The following CNTNAP2 variants were observed in gnomAD, a reference collection of about 807,000 sequenced individuals.
CNTNAP2 encodes contactin associated protein 2, also known as contactin-associated protein-like 2.
In CNTNAP2, 98 loss-of-function variants were observed where a neutral mutation model predicts 155.2. The ratio of observed to expected loss-of-function variants is 0.63; its 90% CI spans 0.54 to 0.75. The LOEUF is 0.75. Ranked by LOEUF, CNTNAP2 falls within the 30% of genes least tolerant of loss-of-function variation. The pLI is 0.00. For missense variants in CNTNAP2, 1,727 were observed against 1,688.1 expected, an observed-to-expected ratio of 1.02 and a Z score of -0.40; for synonymous variants, 651 against 631.2, an observed-to-expected ratio of 1.03 and a Z score of -0.47.
intron 12 of CNTNAP2, among the ~76,000 whole-genome samples, chr7:147,612,199 T>G (rs536576636): frequency 2.6e-5 from 4 of 152,270 alleles, no homozygotes; most frequent in African/African-American, 9.6e-5. Flanking sequence ...AATTATTTTG[T>G]AAGTTATTCA....
intron 1 of CNTNAP2, among the ~76,000 whole-genome samples, chr7:146,163,585 C>CTATATATATA (rs772109958): frequency 1.1e-5 from 1 of 91,224 alleles, no homozygotes; most frequent in African/African-American, 4.0e-5. Context: ...ATCTATCTAT[C>CTATATATATA]TATATATATA....
chr7:147,443,569 T>G (rs1282520973), intron 10 of CNTNAP2, among the ~76,000 whole-genome samples: 1 of 152,190 alleles, frequency 6.6e-6, no homozygotes, highest in African/African-American at 2.4e-5. Flanking sequence ...CTGTAGATAG[T>G]TGTTAAATCG....
At chr7:147,863,660 T>C (rs1374513956) in intron 13 of CNTNAP2, among the ~76,000 whole-genome samples, 1 of 152,216 alleles carries the variant, frequency 6.6e-6, no homozygotes, top group Admixed American at 6.5e-5. Context: ...TAGTTTTGAT[T>C]TGCATTTCTC....
chr7:147,730,154 G>A lies in CNTNAP2; in HGVS notation c.2098+90848G>A, dbSNP rs555189873. On this transcript the variant is annotated intron_variant, in intron 13 of 23. Coordinates refer to ENST00000361727, the MANE Select transcript of CNTNAP2 (RefSeq NM_014141.6). ...ATCTGTCCACAGAAGATCTTTTGAG[G>A]TAAAGGATTTCCAAAGAAGTGGGCT... Among the ~76,000 whole-genome samples, 4 of 152,174 alleles carry A rather than the reference G, an allele frequency of 2.6e-5. No homozygotes were observed. The South Asian group carries it at 8.3e-4, about 32-fold the overall frequency.
At chr7:147,734,998 G>A (rs1294229590) in intron 13 of CNTNAP2, among the ~76,000 whole-genome samples, 2 of 148,068 alleles carry the variant, frequency 1.4e-5, no homozygotes, top group African/African-American at 2.5e-5. Flanking sequence ...TTTTTTTGAA[G>A]GGTTTTTTGT....
At chr7:147,644,335 A>G (rs1795330880) in intron 13 of CNTNAP2, among the ~76,000 whole-genome samples, 1 of 152,138 alleles carries the variant, frequency 6.6e-6, no homozygotes, top group African/African-American at 2.4e-5. Flanking sequence ...AAGAACTTGA[A>G]TTTGGCCGGG....
chr7:147,386,444 A>G (rs1796627198), intron 9 of CNTNAP2, among the ~76,000 whole-genome samples: 1 of 152,092 alleles, frequency 6.6e-6, no homozygotes. Context: ...CACCCCTCAA[A>G]TGCTTTTCTG....
intron 17 of CNTNAP2, among the ~76,000 whole-genome samples, chr7:148,153,020 CAA>C (rs373499312): frequency 4.4e-5 from 1 of 22,664 alleles, no homozygotes; most frequent in Non-Finnish European, 7.7e-5. Context: ...GACTCCGTCT[CAA>C]AAAAAAAAAA....
intron 3 of CNTNAP2, among the ~76,000 whole-genome samples, chr7:147,022,093 C>T (rs147367360): frequency 5.6e-4 from 85 of 152,088 alleles, no homozygotes; most frequent in Middle Eastern, 3.4e-3. Flanking sequence ...CTAGACCTTC[C>T]GGAGTTTTGC....
At chr7:146,549,218 A>C (rs539648028) in intron 1 of CNTNAP2, among the ~76,000 whole-genome samples, 3 of 152,070 alleles carry the variant, frequency 2.0e-5, no homozygotes, top group Admixed American at 1.3e-4. Flanking sequence ...GAACAGTTTA[A>C]ATTACTAAAT....
At chr7:148,021,967 G>A (rs1802286516) in intron 15 of CNTNAP2, among the ~76,000 whole-genome samples, 2 of 152,146 alleles carry the variant, frequency 1.3e-5, no homozygotes, top group African/African-American at 4.8e-5. Flanking sequence ...TGGGTGGAAA[G>A]GATGGACCCA....
At chr7:146,419,527 A>T (rs1248764486) in intron 1 of CNTNAP2, among the ~76,000 whole-genome samples, 1 of 152,184 alleles carries the variant, frequency 6.6e-6, no homozygotes, top group Non-Finnish European at 1.5e-5. Flanking sequence ...AATTCCAATT[A>T]TTATCAGAGA....
At chr7:146,295,895 A>G (rs978930824) in intron 1 of CNTNAP2, among the ~76,000 whole-genome samples, 3 of 151,824 alleles carry the variant, frequency 2.0e-5, no homozygotes, top group African/African-American at 7.2e-5. Flanking sequence ...AAACAAAGAA[A>G]AGAAAAAAAG....
intron 3 of CNTNAP2, among the ~76,000 whole-genome samples, chr7:146,894,237 T>C (rs1427593019): frequency 1.3e-5 from 2 of 152,202 alleles, no homozygotes; most frequent in African/African-American, 4.8e-5. Context: ...TCCAATGACA[T>C]AGTAATGCCT....
At chr7:146,481,434 G>A (rs936835396) in intron 1 of CNTNAP2, among the ~76,000 whole-genome samples, 2 of 152,130 alleles carry the variant, frequency 1.3e-5, no homozygotes, top group African/African-American at 4.8e-5. Context: ...TTTATCTTCA[G>A]TTTCCTGAAT....
intron 21 of CNTNAP2, among the ~76,000 whole-genome samples, chr7:148,285,577 C>T (rs1202076628): frequency 6.6e-6 from 1 of 152,258 alleles, no homozygotes; most frequent in Non-Finnish European, 1.5e-5. Context: ...ACCTGCCTGG[C>T]ACTACATTAT....
chr7:147,400,000 C>T (rs968281551), intron 10 of CNTNAP2, among the ~76,000 whole-genome samples: 1 of 152,156 alleles, frequency 6.6e-6, no homozygotes, highest in African/African-American at 2.4e-5. Context: ...TTTGTTTCTT[C>T]TTGCATTGTT....
chr7:146,844,430 A>G (rs1469333932), intron 3 of CNTNAP2, among the ~76,000 whole-genome samples: 5 of 152,164 alleles, frequency 3.3e-5, no homozygotes, highest in Non-Finnish European at 7.4e-5. Context: ...CCAAAAAATC[A>G]TTACATCTAC....
chr7:147,862,116 A>G (rs977608787), intron 13 of CNTNAP2, among the ~76,000 whole-genome samples: 6 of 152,148 alleles, frequency 3.9e-5, no homozygotes, highest in Admixed American at 3.3e-4. Context: ...TATTCCAGCA[A>G]ACCACTTCAA....
Sources: allele counts gnomAD v4.1 joint callset (sites outside exome capture counted in the v4.1 genomes callset), GRCh38; gene constraint gnomAD v4.1.1; transcripts MANE v1.5; gene names NCBI Gene and HGNC (gene_info 2026-07-23, HGNC 2026-07-21).